PSMA3: variants seen among roughly 807,000 people sequenced by gnomAD.
The protein encoded by PSMA3 is proteasome subunit alpha type-3.
Under a neutral mutation model 40.0 loss-of-function variants are expected in PSMA3, and 8 were observed. The observed-to-expected ratio is 0.20, with a 90% CI of 0.12 to 0.36. The LOEUF (loss-of-function observed/expected upper bound fraction) is 0.36. Among genes scored for constraint, PSMA3 ranks in the 10% least tolerant of loss-of-function variants. The pLI is 1.00. For missense variants in PSMA3, 219 were observed against 310.6 expected (o/e 0.70, Z 2.22); for synonymous variants, 110 against 100.0 (o/e 1.10, Z -0.59).
chr14:58,270,216 C>A, intron 8 of PSMA3: 2 of 693,588 alleles, frequency 2.9e-6, no homozygotes, highest in Non-Finnish European at 4.4e-6. Context: ...CAACATTTGT[C>A]GGGAGAGTAG....
chr14:58,263,843 C>A, intron 7 of PSMA3, 73 bp downstream of exon 7: 1 of 1,346,712 alleles, frequency 7.4e-7, no homozygotes, highest in Non-Finnish European at 1.1e-6. Flanking sequence ...ACAGACATTT[C>A]AGTCTAAGGC....
intron 9 of PSMA3, 89 bp downstream of exon 9, chr14:58,270,574 G>A: frequency 6.4e-7 from 1 of 1,573,194 alleles, no homozygotes; most frequent in Non-Finnish European, 8.6e-7. Flanking sequence ...TATAATGAAA[G>A]CTAAAGCAAA....
chr14:58,261,141 C>CTTT (rs750255185), intron 6 of PSMA3, 121 bp downstream of exon 6: 28 of 497,690 alleles, frequency 5.6e-5, no homozygotes, highest in Non-Finnish European at 7.3e-5. Flanking sequence ...AGTAATTTTT[C>CTTT]TTTTTTTTTT....
Position 58,263,775 on chromosome 14 carries a change from T to TA in PSMA3, c.543+7dup. The TA allele has an allele frequency of 6.2e-7, 1 of 1,612,336 alleles. No homozygotes were observed. Among genetic ancestry groups the TA allele is most frequent in the Non-Finnish European group, 8.5e-7 (1 of 1,178,530 alleles). On this transcript the variant is annotated splice_donor_region_variant and intron_variant, in intron 7 of 10. Transcript: ENST00000216455. ...ACGGAAATAGAGAAGCTTCAGGTAA[T>TA]AATTAATGCTTGAATTTTTACTATG... is the stretch of plus-strand genomic sequence containing the variant.
rs549178878 is a variant in PSMA3 at position 58,258,223 on chromosome 14, C to T, written c.404+225C>T. 98 of 445,756 alleles carry T rather than the reference C, an allele frequency of 2.2e-4. 1 individual carries two copies. The South Asian group carries it at 3.7e-3, about 17-fold the overall frequency. The allele number at this position is 445,756 out of a possible 1,614,324, so 27.6% of individuals were successfully genotyped here. A position where few individuals can be genotyped will look rare whatever the true frequency, so the allele number is the denominator to read the frequency against. ...GAGGTTGAGGTGGGAGGATCCCTCG[C>T]GCCCAGGAGTATGAGACCAGCCTGG... On this transcript the variant is annotated intron_variant, in intron 5 of 10. Transcript: ENST00000216455.
At chr14:58,252,022 C>A (rs1890022663) in intron 2 of PSMA3, 97 bp from the exon 3 acceptor site, 1 of 1,265,528 alleles carries the variant, frequency 7.9e-7, no homozygotes, top group Non-Finnish European at 1.1e-6. Context: ...ATTTGGCATG[C>A]CTTAAATGTT....
chr14:58,269,330 G>GC (rs1430347197), intron 8 of PSMA3, among the ~76,000 whole-genome samples: 1 of 152,126 alleles, frequency 6.6e-6, no homozygotes, highest in Non-Finnish European at 1.5e-5. Context: ...AGGTTATGTG[G>GC]CATATATGCC....
chr14:58,271,254 C>CT (rs1890612202), intron 10 of PSMA3, among the ~76,000 whole-genome samples: 1 of 100,274 alleles, frequency 1.0e-5, no homozygotes, highest in Non-Finnish European at 2.4e-5. Context: ...TGCCTTGGTT[C>CT]CAAAAAAAAA....
chr14:58,256,612 C>T (rs144960497), intron 3 of PSMA3, among the ~76,000 whole-genome samples: 2,265 of 151,146 alleles, frequency 0.015, 66 homozygotes, highest in African/African-American at 0.052. Flanking sequence ...CGGCATTTCA[C>T]CATCTTGGCC....
chr14:58,266,767 A>G (rs894318543), intron 7 of PSMA3: 4 of 152,316 alleles, frequency 2.6e-5, no homozygotes, highest in East Asian at 3.9e-4. Flanking sequence ...TCCACGAAGG[A>G]TAACTTCTTA....
intron 2 of PSMA3, among the ~76,000 whole-genome samples, chr14:58,250,723 C>T (rs1889992094): frequency 6.6e-6 from 1 of 152,078 alleles, no homozygotes; most frequent in South Asian, 2.1e-4. Context: ...AACACAATTC[C>T]CCTGCTTTTT....
intron 6 of PSMA3, among the ~76,000 whole-genome samples, chr14:58,261,925 CTTTTA>C (rs756644089): frequency 5.0e-4 from 76 of 151,830 alleles, no homozygotes; most frequent in Non-Finnish European, 4.0e-4. Flanking sequence ...CATGTCATCC[CTTTTA>C]TTTTATTTAT....
At position 58,244,952 on chromosome 14, in the gene PSMA3, T is replaced by C. The variant is rs748853981; in HGVS notation, c.21+11T>C. 1.9e-6 allele frequency: 3 copies of C among 1,614,194 alleles called. No homozygotes were observed. The highest frequency in any genetic ancestry group is 2.5e-6 in the Non-Finnish European group (3 of 1,180,010). ...TCAATCGGCACTGGGGTGAGTTCGCTGTCTGTCGGTGTAATAGTTTAACCT... is the reference window on the plus strand; with the variant it reads ...TCAATCGGCACTGGGGTGAGTTCGCCGTCTGTCGGTGTAATAGTTTAACCT... On this transcript the variant is annotated intron_variant, in intron 1 of 10. Coordinates refer to ENST00000216455, the MANE Select transcript of PSMA3 (RefSeq NM_002788.4).
intron 3 of PSMA3, 68 bp from the exon 4 acceptor site, chr14:58,257,675 CTT>C: frequency 7.4e-7 from 1 of 1,359,344 alleles, no homozygotes; most frequent in Non-Finnish European, 1.0e-6. Context: ...TTTAATAAGT[CTT>C]TATTAATTGC....
At chr14:58,249,308 AC>A (rs1394653651) in intron 2 of PSMA3, among the ~76,000 whole-genome samples, 2 of 152,032 alleles carry the variant, frequency 1.3e-5, no homozygotes, top group Non-Finnish European at 2.9e-5. Flanking sequence ...TTGATACTAC[AC>A]CCAAAGTGAA....
intron 3 of PSMA3, among the ~76,000 whole-genome samples, chr14:58,256,640 G>T (rs947877969): frequency 6.6e-6 from 1 of 150,758 alleles, no homozygotes; most frequent in African/African-American, 2.4e-5. Context: ...TCTTGAACTC[G>T]TGACCTTGTG....
chr14:58,250,097 G>A (rs1214821101), intron 2 of PSMA3, among the ~76,000 whole-genome samples: 2 of 151,558 alleles, frequency 1.3e-5, no homozygotes, highest in Non-Finnish European at 2.9e-5. Context: ...GTGCGCGCCT[G>A]TAATCCCAGC....
chr14:58,262,861 C>T (rs1890323045), intron 6 of PSMA3, among the ~76,000 whole-genome samples: 1 of 152,066 alleles, frequency 6.6e-6, no homozygotes. Context: ...TGAGCCACTG[C>T]ACCCGGCCTG....
chr14:58,254,070 A>G (rs899930549), intron 3 of PSMA3, among the ~76,000 whole-genome samples: 1 of 151,480 alleles, frequency 6.6e-6, no homozygotes, highest in Non-Finnish European at 1.5e-5. Context: ...TCCACCCTCA[A>G]GTAGGCCCCA....
Sources: allele counts gnomAD v4.1 joint callset (sites outside exome capture counted in the v4.1 genomes callset), GRCh38; gene constraint gnomAD v4.1.1; transcripts MANE v1.5; gene names NCBI Gene and HGNC (gene_info 2026-07-23, HGNC 2026-07-21).